The following TNFSF10 variants were observed in gnomAD, a reference collection of about 807,000 sequenced individuals.
TNFSF10 encodes the protein tumor necrosis factor ligand superfamily member 10.
TNFSF10 carries 13 observed loss-of-function variants against 29.5 expected under a neutral mutation model. The observed-to-expected ratio is 0.44, with a 90% CI of 0.29 to 0.70. The LOEUF is 0.70. TNFSF10 is among the 30% of genes least tolerant of loss of function. The probability of loss-of-function intolerance (pLI) is 0.13; values close to 1 mark genes in which losing one functional copy is unlikely to be tolerated. For synonymous variants in TNFSF10, 111 were observed against 112.8 expected, an observed-to-expected ratio of 0.98 and a Z score of 0.10; for missense variants, 345 against 330.9, an observed-to-expected ratio of 1.04 and a Z score of -0.33.
intron 1 of TNFSF10, chr3:172,517,462 A>T (rs1331136713): frequency 1.0e-6 from 1 of 981,898 alleles, no homozygotes; most frequent in Non-Finnish European, 1.2e-6. Flanking sequence ...TACATTCAGG[A>T]TACACAGGCA....
intron 1 of TNFSF10, chr3:172,522,438 G>A (rs1713739585): frequency 6.6e-7 from 1 of 1,516,086 alleles, no homozygotes; most frequent in African/African-American, 1.4e-5. Context: ...AAGCAGGAAA[G>A]AAATTTTATC....
chr3:172,506,779 G>T lies in TNFSF10; in HGVS notation c.559C>A (p.Gln187Lys). 1 of 1,614,104 alleles carries T rather than the reference G, an allele frequency of 6.2e-7. No homozygotes were observed. The highest frequency in any genetic ancestry group is 8.5e-7 in the Non-Finnish European group (1 of 1,180,026). ...TCCTCCTGAAATCGAAAGTATGTTT[G>T]GGAATAGATGTAGTAAAACCCTTTT... ...HEKGFYYIYSQTYFRFQEEIK... is the reference protein window; with the variant it reads ...HEKGFYYIYSKTYFRFQEEIK... Residue 187 changes from glutamine (Q) to lysine (K), a missense_variant, in exon 5 of 5, where the codon CAA becomes AAA. Gln to Lys is a moderately conservative substitution (Grantham distance 53, BLOSUM62 1). Transcript: ENST00000241261.
chr3:172,522,484 C>T, intron 1 of TNFSF10: 1 of 1,204,840 alleles, frequency 8.3e-7, no homozygotes. Context: ...TCTTACTGTG[C>T]ACCTTTTAAA....
Position 172,523,340 on chromosome 3 carries a change from G to A in TNFSF10, c.45C>T (p.Thr15=), listed in dbSNP as rs1386441141. Residue 15 remains threonine (T), a synonymous_variant, in exon 1 of 5, where the codon ACC becomes ACT. Transcript: ENST00000241261. ...CTGTGAAGATCACGATCAGCACGCA[G>A]GTCTGTCCCAGGCTGGGTCCCCCCT... The part of the protein sequence containing the change: ...EVQGGPSLGQ[T]CVLIVIFTVL... 13 of 1,614,094 alleles carry A rather than the reference G, an allele frequency of 8.1e-6. No homozygotes were observed. The highest frequency in any genetic ancestry group is 1.1e-5 in the South Asian group (1 of 91,082).
intron 1 of TNFSF10, chr3:172,522,297 G>A: frequency 1.3e-6 from 1 of 743,544 alleles, no homozygotes; most frequent in Middle Eastern, 4.0e-4. Context: ...ACTTCATCCT[G>A]CTGTGTGCTA....
chr3:172,522,852 T>C (rs1364859153), intron 1 of TNFSF10, among the ~76,000 whole-genome samples: 1 of 152,210 alleles, frequency 6.6e-6, no homozygotes, highest in African/African-American at 2.4e-5. Context: ...AAAGAACCTG[T>C]AAAAATTATC....
In TNFSF10 at chr3:172,515,002, G is replaced by T; in HGVS notation, c.133-4C>A. ...TTTTGGAGTACTTGTCCTGCATCTGGGTTGAGATGGAATATAACACAATAT... is the reference window on the plus strand; with the variant it reads ...TTTTGGAGTACTTGTCCTGCATCTGTGTTGAGATGGAATATAACACAATAT... On this transcript the variant is annotated splice_polypyrimidine_tract_variant and splice_region_variant and intron_variant, in intron 1 of 4. Coordinates refer to ENST00000241261, the MANE Select transcript of TNFSF10 (RefSeq NM_003810.4). 2.5e-6 allele frequency: 4 copies of T among 1,613,988 alleles called. No homozygotes were observed. The highest frequency in any genetic ancestry group is 2.5e-6 in the Non-Finnish European group (3 of 1,179,980).
At chr3:172,516,114 A>G (rs1288271306) in intron 1 of TNFSF10, among the ~76,000 whole-genome samples, 1 of 152,122 alleles carries the variant, frequency 6.6e-6, no homozygotes, top group Non-Finnish European at 1.5e-5. Context: ...AATACAAAAA[A>G]TTAGCTGGGC....
At chr3:172,517,382 G>T in intron 1 of TNFSF10, 1 of 985,266 alleles carries the variant, frequency 1.0e-6, no homozygotes, top group Non-Finnish European at 1.2e-6. Flanking sequence ...TAAGGTCCTG[G>T]GTATAAGTGG....
intron 1 of TNFSF10, among the ~76,000 whole-genome samples, chr3:172,515,419 C>A (rs897085176): frequency 6.6e-6 from 1 of 152,092 alleles, no homozygotes; most frequent in Admixed American, 6.6e-5. Flanking sequence ...GATACAAGGT[C>A]GGTAGTGGAG....
intron 1 of TNFSF10, among the ~76,000 whole-genome samples, chr3:172,520,684 A>G (rs924267510): frequency 2.0e-5 from 3 of 152,226 alleles, no homozygotes; most frequent in African/African-American, 7.2e-5. Flanking sequence ...CTTGGGAACC[A>G]CATGCTAGAC....
At chr3:172,519,920 G>A (rs1440901201) in intron 1 of TNFSF10, among the ~76,000 whole-genome samples, 4 of 152,260 alleles carry the variant, frequency 2.6e-5, no homozygotes, top group African/African-American at 7.2e-5. Flanking sequence ...ATCACAAGGT[G>A]TAGATAGGTT....
Position 172,506,736 on chromosome 3 carries a change from T to A in TNFSF10, c.602A>T (p.Lys201Met). The change falls in exon 5 of 5, where the codon AAG becomes ATG. Residue 201 changes from lysine (K) to methionine (M), a missense_variant. Transcript: ENST00000241261. Reference protein sequence around the residue: ...RFQEEIKENTKNDKQMVQYIY... With the variant: ...RFQEEIKENTMNDKQMVQYIY... ...ATATTGGACCATTTGTTTGTCGTTC[T>A]TTGTGTTTTCTTTTATTTCCTCCTG... is the stretch of plus-strand genomic sequence containing the variant. The A allele has an allele frequency of 1.2e-6, 2 of 1,614,228 alleles. No individual in the cohort carries two copies. The highest frequency in any genetic ancestry group is 1.3e-5 in the African/African-American group (1 of 75,068).
intron 3 of TNFSF10, among the ~76,000 whole-genome samples, chr3:172,510,642 T>C (rs1713181752): frequency 6.6e-6 from 1 of 151,986 alleles, no homozygotes; most frequent in Non-Finnish European, 1.5e-5. Context: ...AATTTTATTC[T>C]TCCAACACTG....
chr3:172,523,079 T>C (rs1196672306), intron 1 of TNFSF10, among the ~76,000 whole-genome samples, 174 bp downstream of exon 1: 1 of 152,232 alleles, frequency 6.6e-6, no homozygotes, highest in East Asian at 1.9e-4. Flanking sequence ...CACAATTTCT[T>C]GAACTTACAG....
At chr3:172,519,140 A>G (rs1413483648) in intron 1 of TNFSF10, among the ~76,000 whole-genome samples, 15 of 152,230 alleles carry the variant, frequency 9.9e-5, no homozygotes, top group Admixed American at 9.8e-4. Context: ...AATACTTTTC[A>G]AAGTTGCTGG....
chr3:172,523,359 C>A lies in TNFSF10; in HGVS notation c.26G>T (p.Gly9Val), dbSNP rs138912628. MAMMEVQGGPSLGQTCVLI... is the reference protein window; with the variant it reads MAMMEVQGVPSLGQTCVLI... ...CACGCAGGTCTGTCCCAGGCTGGGTCCCCCCTGGACCTCCATCATAGCCAT... is the reference window on the plus strand; with the variant it reads ...CACGCAGGTCTGTCCCAGGCTGGGTACCCCCTGGACCTCCATCATAGCCAT... The change falls in exon 1 of 5, where the codon GGA (glycine) becomes GTA (valine). Residue 9 changes from glycine to valine, a missense_variant. Gly to Val is a moderately radical substitution (Grantham distance 109). Coordinates refer to ENST00000241261, the MANE Select transcript of TNFSF10 (RefSeq NM_003810.4). The A allele has an allele frequency of 5.6e-6, 9 of 1,612,916 alleles. No individual in the cohort carries two copies. Among genetic ancestry groups the A allele is most frequent in the African/African-American group, 1.3e-5 (1 of 74,998 alleles).
At chr3:172,517,004 C>A (rs549882214) in intron 1 of TNFSF10, among the ~76,000 whole-genome samples, 56 of 152,338 alleles carry the variant, frequency 3.7e-4, no homozygotes, top group African/African-American at 1.3e-3. Context: ...TTACACTGAA[C>A]AAGCAGGCTC....
At chr3:172,511,189 G>A (rs928694010) in intron 3 of TNFSF10, among the ~76,000 whole-genome samples, 1 of 152,172 alleles carries the variant, frequency 6.6e-6, no homozygotes, top group African/African-American at 2.4e-5. Flanking sequence ...AAAGGATGAT[G>A]GAGGAGGAGG....
Sources: gnomAD v4.1 joint callset for allele counts (sites outside exome capture counted in the v4.1 genomes callset) on GRCh38, gnomAD v4.1.1 for gene constraint, MANE v1.5 for transcripts, NCBI Gene and HGNC (gene_info 2026-07-23, HGNC 2026-07-21) for gene names.